The following PACRG variants were observed in gnomAD, a reference collection of about 807,000 sequenced individuals.
The protein encoded by PACRG is parkin coregulated gene protein.
Under a neutral mutation model 29.7 loss-of-function variants are expected in PACRG, and 29 were observed. The ratio of observed to expected loss-of-function variants is 0.98; its 90% CI spans 0.73 to 1.33. The LOEUF (loss-of-function observed/expected upper bound fraction) is 1.33, where lower values mean the gene tolerates loss of function less well. Among genes scored for constraint, PACRG ranks in the 40% most tolerant of loss-of-function variants. The probability of loss-of-function intolerance (pLI) is 0.00; values close to 1 mark genes in which losing one functional copy is unlikely to be tolerated. For missense variants in PACRG, 279 were observed against 316.2 expected (o/e 0.88, Z 0.89); for synonymous variants, 116 against 118.7 (o/e 0.98, Z 0.15).
intron 2 of PACRG, among the ~76,000 whole-genome samples, chr6:162,941,552 T>G (rs921556573): frequency 1.3e-5 from 2 of 152,198 alleles, no homozygotes; most frequent in Non-Finnish European, 2.9e-5. Flanking sequence ...TGCATTTTCC[T>G]GGCAGGAGGA....
At chr6:162,783,308 A>G (rs1562592117) in intron 1 of PACRG, among the ~76,000 whole-genome samples, 1 of 152,000 alleles carries the variant, frequency 6.6e-6, no homozygotes, top group East Asian at 1.9e-4. Flanking sequence ...TCTCACTACA[A>G]TAAAATACAT....
At position 163,089,536 on chromosome 6, in the gene PACRG, A is replaced by G; in HGVS notation, c.613+128A>G. ...AAACCATGATCCATTTGGAGATCTA[A>G]ATAGCATATTCCCACGCCTTCTCCA... On this transcript the variant is annotated intron_variant, in intron 4 of 4. Transcript: ENST00000366888. 8 of 1,150,492 alleles carry G rather than the reference A, an allele frequency of 7.0e-6. No individual in the cohort carries two copies. The South Asian group carries it at 1.1e-4, about 16-fold the overall frequency. The allele number at this position is 1,150,492 out of a possible 1,614,324, so 71.3% of individuals were successfully genotyped here. A position where few individuals can be genotyped will look rare whatever the true frequency, so the allele number is the denominator to read the frequency against.
intron 4 of PACRG, among the ~76,000 whole-genome samples, chr6:163,260,612 A>T (rs561575146): frequency 2.0e-5 from 3 of 152,250 alleles, no homozygotes; most frequent in African/African-American, 7.2e-5. Flanking sequence ...TGAGGCTGGG[A>T]GTGGGATCCT....
At chr6:163,226,306 A>G (rs1781794270) in intron 4 of PACRG, among the ~76,000 whole-genome samples, 1 of 152,216 alleles carries the variant, frequency 6.6e-6, no homozygotes, top group South Asian at 2.1e-4. Context: ...ACGCTGGTTA[A>G]TAATAATGTA....
At chr6:163,260,402 A>C (rs1425148461) in intron 4 of PACRG, among the ~76,000 whole-genome samples, 2 of 152,206 alleles carry the variant, frequency 1.3e-5, no homozygotes, top group African/African-American at 4.8e-5. Context: ...CCCACTCTGC[A>C]ATTATTCAAA....
intron 2 of PACRG, among the ~76,000 whole-genome samples, chr6:162,980,468 G>C (rs1178285261): frequency 6.6e-6 from 1 of 152,092 alleles, no homozygotes; most frequent in Non-Finnish European, 1.5e-5. Flanking sequence ...GATTAAGTAA[G>C]GTTCAGAAGC....
At chr6:162,787,554 GTTA>G (rs1244070278) in intron 1 of PACRG, among the ~76,000 whole-genome samples, 14 of 58,058 alleles carry the variant, frequency 2.4e-4, no homozygotes, top group Middle Eastern at 0.012. Context: ...TATATATATG[GTTA>G]TTGTGTGTGT....
chr6:163,180,334 G>A (rs1034798842), intron 4 of PACRG, among the ~76,000 whole-genome samples: 5 of 152,140 alleles, frequency 3.3e-5, no homozygotes, highest in African/African-American at 9.7e-5. Flanking sequence ...AAAATATCAC[G>A]AAGCCTTCAC....
chr6:162,958,884 T>TATATATTTATAG (rs1562779944), intron 2 of PACRG, among the ~76,000 whole-genome samples: 1 of 21,154 alleles, frequency 4.7e-5, no homozygotes. Flanking sequence ...TATATATATA[T>TATATATTTATAG]AGAGAGAGAG....
chr6:162,740,299 G>A (rs1780477201), intron 1 of PACRG, among the ~76,000 whole-genome samples: 1 of 151,162 alleles, frequency 6.6e-6, no homozygotes, highest in African/African-American at 2.4e-5. Context: ...TGCAATTTGT[G>A]GGACAATATC....
Position 163,203,185 on chromosome 6 carries a change from G to C in PACRG, c.614-111642G>C, listed in dbSNP as rs567561180. 1.2e-4 allele frequency among the ~76,000 whole-genome samples: 18 copies of C among 152,242 alleles called. 1 individual carries two copies. The South Asian group carries it at 3.7e-3, about 32-fold the overall frequency. Reference sequence around the variant, plus strand: ...CCCAGCACTTTGAGAGGTTGAGGCAGGCAGATCACCTGAGGTCAGGAGTTC... The same window carrying C: ...CCCAGCACTTTGAGAGGTTGAGGCACGCAGATCACCTGAGGTCAGGAGTTC... On this transcript the variant is annotated intron_variant, in intron 4 of 4. Transcript: ENST00000366888.
At chr6:163,180,723 A>C in intron 4 of PACRG, among the ~76,000 whole-genome samples, 1 of 152,158 alleles carries the variant, frequency 6.6e-6, no homozygotes, top group East Asian at 1.9e-4. Flanking sequence ...TGAGCCACTT[A>C]TTTGGTTCTT....
intron 3 of PACRG, among the ~76,000 whole-genome samples, chr6:163,085,488 T>C (rs1261387391): frequency 6.6e-6 from 1 of 152,186 alleles, no homozygotes; most frequent in Non-Finnish European, 1.5e-5. Context: ...TGCACCTCCA[T>C]ACTCCTCTCC....
In PACRG at chr6:162,766,918, T is replaced by C. The variant is rs116175123; in HGVS notation, c.156+38527T>C. Among the ~76,000 whole-genome samples, 505 of 152,238 alleles carry C rather than the reference T, an allele frequency of 3.3e-3. 4 individuals are homozygous for C. Among genetic ancestry groups the C allele is most frequent in the African/African-American group, 0.012 (489 of 41,582 alleles). On this transcript the variant is annotated intron_variant, in intron 1 of 4. Coordinates refer to ENST00000366888, the MANE Select transcript of PACRG (RefSeq NM_001080379.2). ...CACTTTTTTTCTATAGTATGTTCTT[T>C]ACTGTTCAGTTTGTGAAATTTTTAA...
intron 1 of PACRG, among the ~76,000 whole-genome samples, chr6:162,734,786 T>C (rs1263703254): frequency 6.6e-6 from 1 of 152,218 alleles, no homozygotes; most frequent in African/African-American, 2.4e-5. Context: ...TCTCACATAT[T>C]GTAAGTGAAT....
chr6:163,077,592 A>T (rs753673740), intron 3 of PACRG, among the ~76,000 whole-genome samples: 3 of 152,226 alleles, frequency 2.0e-5, no homozygotes, highest in Non-Finnish European at 4.4e-5. Flanking sequence ...TACAATTGAA[A>T]TGCATTACCC....
chr6:163,252,231 T>C (rs1207888954), intron 4 of PACRG, among the ~76,000 whole-genome samples: 1 of 152,256 alleles, frequency 6.6e-6, no homozygotes, highest in Admixed American at 6.5e-5. Context: ...CCCCTGCTGC[T>C]GTGAGCACGC....
intron 2 of PACRG, among the ~76,000 whole-genome samples, chr6:162,962,456 G>A (rs1800702866): frequency 6.6e-6 from 1 of 152,184 alleles, no homozygotes; most frequent in Admixed American, 6.5e-5. Flanking sequence ...TTCACACCTT[G>A]AAGCCCCAAA....
intron 2 of PACRG, among the ~76,000 whole-genome samples, chr6:163,007,462 T>C (rs1805224915): frequency 6.6e-6 from 1 of 152,230 alleles, no homozygotes. Flanking sequence ...TGGCTGGTTA[T>C]AAATTCCTTT....
Sources: gnomAD v4.1 joint callset for allele counts (sites outside exome capture counted in the v4.1 genomes callset) on GRCh38, gnomAD v4.1.1 for gene constraint, MANE v1.5 for transcripts, NCBI Gene and HGNC (gene_info 2026-07-23, HGNC 2026-07-21) for gene names.